EXTL3: variants seen among roughly 807,000 people sequenced by gnomAD.
EXTL3 encodes exostosin like glycosyltransferase 3.
Under a neutral mutation model 69.3 loss-of-function variants are expected in EXTL3, and 27 were observed. That is an observed-to-expected ratio of 0.39 (90% CI 0.29 to 0.54). The LOEUF (loss-of-function observed/expected upper bound fraction) is 0.54. Ranked by LOEUF, EXTL3 falls within the 20% of genes least tolerant of loss-of-function variation. EXTL3 has a pLI of 0.69. For missense variants in EXTL3, 1,003 were observed against 1,231.8 expected, an observed-to-expected ratio of 0.81 and a Z score of 2.78; for synonymous variants, 511 against 499.4, an observed-to-expected ratio of 1.02 and a Z score of -0.31.
intron 1 of EXTL3, chr8:28,678,107 G>GT (rs1401310195): frequency 6.6e-6 from 1 of 152,428 alleles, no homozygotes; most frequent in Non-Finnish European, 1.5e-5. Flanking sequence ...GGAAACTGCT[G>GT]TATCTGCTGC....
chr8:28,674,616 A>G (rs975509675), intron 1 of EXTL3, among the ~76,000 whole-genome samples: 3 of 152,230 alleles, frequency 2.0e-5, no homozygotes, highest in African/African-American at 7.2e-5. Context: ...GCTGAATTAC[A>G]ACGCAAGTTG....
chr8:28,735,715 T>A (rs923381779), intron 4 of EXTL3, among the ~76,000 whole-genome samples: 2 of 152,244 alleles, frequency 1.3e-5, no homozygotes, highest in African/African-American at 4.8e-5. Flanking sequence ...AGGGTAAGTC[T>A]AAGAATTCTT....
intron 1 of EXTL3, among the ~76,000 whole-genome samples, chr8:28,644,767 A>G (rs143995588): frequency 4.9e-4 from 74 of 152,310 alleles, no homozygotes; most frequent in African/African-American, 1.8e-3. Context: ...TAATAGAACT[A>G]CCTACTCTCC....
intron 2 of EXTL3, among the ~76,000 whole-genome samples, chr8:28,616,605 C>CGACAGA (rs1466163305): frequency 6.7e-6 from 1 of 150,166 alleles, no homozygotes; most frequent in African/African-American, 2.5e-5. Flanking sequence ...CCAGCCTGGG[C>CGACAGA]GACAGAGCGA....
chr8:28,683,985 AGTT>A (rs1807536364), intron 1 of EXTL3, among the ~76,000 whole-genome samples: 1 of 151,966 alleles, frequency 6.6e-6, no homozygotes, highest in Admixed American at 6.6e-5. Flanking sequence ...CCATGAATTC[AGTT>A]GTTTTAATTC....
At chr8:28,618,295 C>T (rs905227224), upstream of EXTL3, among the ~76,000 whole-genome samples, 1 of 151,648 alleles carries the variant, frequency 6.6e-6, no homozygotes, top group Admixed American at 6.6e-5. Context: ...GGTGAAACCC[C>T]ATCTCTACTT....
At chr8:28,720,930 C>T (rs1801280753) in intron 3 of EXTL3, among the ~76,000 whole-genome samples, 1 of 152,196 alleles carries the variant, frequency 6.6e-6, no homozygotes, top group South Asian at 2.1e-4. Flanking sequence ...GAAAAACTCT[C>T]CACTATGTTG....
intron 1 of EXTL3, among the ~76,000 whole-genome samples, chr8:28,661,645 C>T (rs1393739858): frequency 2.6e-5 from 4 of 151,442 alleles, no homozygotes; most frequent in African/African-American, 7.3e-5. Flanking sequence ...TTTGGGAGGC[C>T]GAGGTGGGTG....
upstream of EXTL3, chr8:28,700,716 T>C (rs904883602): frequency 6.6e-6 from 1 of 152,216 alleles, no homozygotes; most frequent in African/African-American, 2.4e-5. Flanking sequence ...CATACTGCAG[T>C]TACAGGTTTT....
intron 1 of EXTL3, among the ~76,000 whole-genome samples, chr8:28,677,465 T>C (rs930448857): frequency 2.0e-5 from 3 of 152,154 alleles, no homozygotes; most frequent in African/African-American, 4.8e-5. Context: ...CAGTAATGAA[T>C]AGATTTTCGA....
In EXTL3 at chr8:28,718,214, G is replaced by T. The variant is rs375974644; in HGVS notation, c.2148+7G>T. Reference sequence around the variant, plus strand: ...CATTGGCGTCCCCATCATGGTAATAGAGAAACGAACAGTTCGTTTTGGTGC... The same window carrying T: ...CATTGGCGTCCCCATCATGGTAATATAGAAACGAACAGTTCGTTTTGGTGC... On this transcript the variant is annotated splice_region_variant and intron_variant, in intron 3 of 6. Transcript: ENST00000220562. 2.2e-5 allele frequency: 35 copies of T among 1,613,534 alleles called. No individual in the cohort carries two copies. The highest frequency in any genetic ancestry group is 2.9e-5 in the Non-Finnish European group (34 of 1,179,658).
chr8:28,665,595 A>G (rs960658928), intron 1 of EXTL3, among the ~76,000 whole-genome samples: 2 of 151,756 alleles, frequency 1.3e-5, no homozygotes, highest in African/African-American at 4.8e-5. Context: ...TATTTCTTGT[A>G]GAGATGCGGT....
intron 1 of EXTL3, among the ~76,000 whole-genome samples, chr8:28,683,368 C>T (rs532812225): frequency 6.6e-6 from 1 of 152,202 alleles, no homozygotes; most frequent in South Asian, 2.1e-4. Context: ...ATTAATTTTT[C>T]CATTCAATGA....
chr8:28,715,804 T>C lies in EXTL3; in HGVS notation c.-256T>C, dbSNP rs1801130439. 4.1e-5 allele frequency: 20 copies of C among 493,568 alleles called. No individual in the cohort carries two copies. In the East Asian group the frequency reaches 6.6e-4, roughly 16 times the overall value. 30.6% of individuals were successfully genotyped at this position (493,568 alleles called of 1,614,324 possible). A position where few individuals can be genotyped will look rare whatever the true frequency, so the allele number is the denominator to read the frequency against. On this transcript the variant is annotated 5_prime_UTR_variant, in exon 3 of 7. Transcript: ENST00000220562. The stretch of plus-strand genomic sequence containing the variant: ...TTCATCTCAGCAAGAATGTGGCACC[T>C]TTTATCGTTTGATAAAGATTAAGGA...
At chr8:28,688,489 C>T (rs1457228847) in intron 1 of EXTL3, among the ~76,000 whole-genome samples, 2 of 152,222 alleles carry the variant, frequency 1.3e-5, no homozygotes, top group Non-Finnish European at 2.9e-5. Flanking sequence ...CCTTACACTA[C>T]TCCTATGGGT....
intron 1 of EXTL3, among the ~76,000 whole-genome samples, chr8:28,674,963 T>C (rs867946404): frequency 7.2e-5 from 11 of 152,192 alleles, no homozygotes; most frequent in South Asian, 6.2e-4. Flanking sequence ...ACCCCACCAC[T>C]CCTCTTTGTT....
chr8:28,711,714 A>G (rs2130725235), intron 1 of EXTL3, among the ~76,000 whole-genome samples: 1 of 152,260 alleles, frequency 6.6e-6, no homozygotes, highest in Admixed American at 6.5e-5. Flanking sequence ...ATTATTTGTT[A>G]ATGGATTCAT....
intron 2 of EXTL3, among the ~76,000 whole-genome samples, chr8:28,608,830 G>A (rs894640974): frequency 6.6e-6 from 1 of 152,008 alleles, no homozygotes; most frequent in Non-Finnish European, 1.5e-5. Flanking sequence ...CTGTTCTCCA[G>A]GCTGGGAGAT....
rs575867658 is a variant in EXTL3 at position 28,625,217 on chromosome 8, AC to A, written c.-53+2408del. On this transcript the variant is annotated intron_variant, in intron 1 of 6. Transcript: ENST00000523149. ...GCTTTAGCTCACTCCTAGTGAAAAC[AC>A]TGCACATAGGATCTATAAATGGAGG... is the stretch of plus-strand genomic sequence containing the variant. 2.8e-3 allele frequency among the ~76,000 whole-genome samples: 423 copies of A among 152,366 alleles called. 2 individuals are homozygous for A. The highest frequency in any genetic ancestry group is 5.1e-3 in the Admixed American group (78 of 15,302).
Sources: allele counts gnomAD v4.1 joint callset (sites outside exome capture counted in the v4.1 genomes callset), GRCh38; gene constraint gnomAD v4.1.1; transcripts MANE v1.5; gene names NCBI Gene and HGNC (gene_info 2026-07-23, HGNC 2026-07-21).